The following ZNF480 variants were observed in gnomAD, a reference collection of about 807,000 sequenced individuals.
ZNF480 encodes the protein zinc finger protein 480.
ZNF480 carries 15 observed loss-of-function variants against 14.4 expected under a neutral mutation model. The observed-to-expected ratio is 1.04, with a 90% CI of 0.70 to 1.60. The LOEUF (loss-of-function observed/expected upper bound fraction) is 1.60. Among genes scored for constraint, ZNF480 ranks in the 40% most tolerant of loss-of-function variants. The pLI, the probability that ZNF480 is intolerant of heterozygous loss-of-function variation, is 0.00. For synonymous variants in ZNF480, 218 were observed against 215.5 expected (o/e 1.01, Z -0.10); for missense variants, 593 against 629.7 (o/e 0.94, Z 0.62).
rs1404181838 is a variant in ZNF480 at position 52,314,226 on chromosome 19, G to A, written c.146G>A (p.Arg49Lys). The change falls in exon 3 of 5, where the codon AGG (arginine) becomes AAG (lysine). Residue 49 changes from arginine to lysine, a missense_variant. Arg to Lys is a conservative substitution (Grantham distance 26). Coordinates refer to ENST00000595962, the MANE Select transcript of ZNF480 (RefSeq NM_144684.4). Reference protein sequence around the residue: ...AEWKCLDPAQRALYKDVMLEN... With the variant: ...AEWKCLDPAQKALYKDVMLEN... ...TGGAAATGCCTGGACCCTGCACAGA[G>A]GGCTTTATACAAGGATGTGATGTTG... 2.5e-6 allele frequency: 4 copies of A among 1,583,930 alleles called. No homozygotes were observed. The highest frequency in any genetic ancestry group is 1.7e-5 in the Admixed American group (1 of 58,938).
chr19:52,310,667 AT>A, intron 2 of ZNF480, among the ~76,000 whole-genome samples: 1 of 151,484 alleles, frequency 6.6e-6, no homozygotes, highest in South Asian at 2.1e-4. Context: ...TTCAAATTTT[AT>A]TTTTGTCCTT....
intron 2 of ZNF480, chr19:52,307,528 A>C (rs1283939439): frequency 6.6e-6 from 1 of 152,144 alleles, no homozygotes; most frequent in Non-Finnish European, 1.5e-5. Context: ...GGTCGTGGGG[A>C]CCCTAACCTA....
chr19:52,308,266 G>A (rs1983066815), intron 2 of ZNF480, among the ~76,000 whole-genome samples: 1 of 151,414 alleles, frequency 6.6e-6, no homozygotes, highest in South Asian at 2.1e-4. Flanking sequence ...TCTAGGAAAG[G>A]AGTGAAGGAA....
Position 52,318,628 on chromosome 19 carries a change from T to C in ZNF480, c.328+2666T>C, listed in dbSNP as rs955378687. 5.9e-5 allele frequency among the ~76,000 whole-genome samples: 9 copies of C among 152,158 alleles called. No individual in the cohort carries two copies. The East Asian group carries it at 1.7e-3, about 29-fold the overall frequency. ...CCAATCTCATGAAGCTTTTTACCTA[T>C]GGTTTTTTCTAGGAGTTTTATCGTT... On this transcript the variant is annotated intron_variant, in intron 4 of 4. Coordinates refer to ENST00000595962, the MANE Select transcript of ZNF480 (RefSeq NM_144684.4).
intron 2 of ZNF480, among the ~76,000 whole-genome samples, chr19:52,312,883 T>A (rs1434241595): frequency 6.6e-6 from 1 of 152,092 alleles, no homozygotes; most frequent in Non-Finnish European, 1.5e-5. Flanking sequence ...TGCAGTGGTG[T>A]GATGTTGGCT....
At position 52,323,727 on chromosome 19, in the gene ZNF480, C is replaced by A. The variant is rs541591818; in HGVS notation, c.*869C>A. 2.0e-5 allele frequency: 3 copies of A among 152,250 alleles called. No homozygotes were observed. The highest frequency in any genetic ancestry group is 2.1e-4 in the South Asian group (1 of 4,828). The allele number at this position is 152,250 out of a possible 1,614,324, so 9.4% of individuals were successfully genotyped here. ...ATGACCATGATCATCTCTTTAGATGCAGAAAGGTTTTTAATAAAATTCAAC... is the reference window on the plus strand; with the variant it reads ...ATGACCATGATCATCTCTTTAGATGAAGAAAGGTTTTTAATAAAATTCAAC... On this transcript the variant is annotated 3_prime_UTR_variant, in exon 5 of 5. Transcript: ENST00000595962.
intron 4 of ZNF480, among the ~76,000 whole-genome samples, chr19:52,316,949 A>T (rs1441397317): frequency 6.6e-6 from 1 of 152,198 alleles, no homozygotes; most frequent in Non-Finnish European, 1.5e-5. Flanking sequence ...CTATTCATCC[A>T]TTGGTGGACA....
At chr19:52,300,908 C>T (rs545666505) in intron 2 of ZNF480, 4 of 208,750 alleles carry the variant, frequency 1.9e-5, no homozygotes, top group Non-Finnish European at 3.9e-5. Context: ...CGTGTTAAGG[C>T]ACAGGCCACT....
intron 1 of ZNF480, among the ~76,000 whole-genome samples, chr19:52,298,214 C>G (rs574100722): frequency 3.6e-4 from 54 of 151,334 alleles, no homozygotes; most frequent in South Asian, 8.3e-4. Context: ...CTGGTGACAA[C>G]GAGAGCAGAG....
intron 2 of ZNF480, among the ~76,000 whole-genome samples, chr19:52,307,030 A>G (rs1177774110): frequency 6.6e-6 from 1 of 152,010 alleles, no homozygotes; most frequent in Admixed American, 6.5e-5. Flanking sequence ...TCTGTACTTC[A>G]TTACACTCCC....
Position 52,321,868 on chromosome 19 carries a change from T to C in ZNF480, c.618T>C (p.Asn206=), listed in dbSNP as rs1266485005. Residue 206 remains asparagine, a synonymous_variant, in exon 5 of 5, where the codon AAT becomes AAC. Coordinates refer to ENST00000595962, the MANE Select transcript of ZNF480 (RefSeq NM_144684.4). ...VHLREKPYEC[N]EHSKVFRVSS... ...TTAGAGAAAAACCTTATGAATGTAA[T>C]GAGCATAGCAAAGTCTTTAGAGTAT... is the stretch of plus-strand genomic sequence containing the variant. 8.7e-6 allele frequency: 14 copies of C among 1,614,042 alleles called. No individual in the cohort carries two copies. The highest frequency in any genetic ancestry group is 1.7e-5 in the Admixed American group (1 of 59,996).
intron 2 of ZNF480, among the ~76,000 whole-genome samples, chr19:52,305,240 G>T (rs1245632064): frequency 6.6e-6 from 1 of 152,172 alleles, no homozygotes; most frequent in African/African-American, 2.4e-5. Flanking sequence ...AATCGAGTGG[G>T]TTGAATTGGC....
Position 52,300,455 on chromosome 19 carries a change from G to A in ZNF480, c.43G>A (p.Ala15Thr), listed in dbSNP as rs765672039. 8.1e-6 allele frequency: 13 copies of A among 1,613,122 alleles called. No individual in the cohort carries two copies. Among genetic ancestry groups the A allele is most frequent in the Admixed American group, 3.3e-5 (2 of 59,970 alleles). The change falls in exon 2 of 5, where the codon GCA becomes ACA. Residue 15 changes from alanine to threonine, a missense_variant. Physicochemically the swap from Ala to Thr is moderately conservative, Grantham distance 58. Coordinates refer to ENST00000595962, the MANE Select transcript of ZNF480 (RefSeq NM_144684.4). The part of the protein sequence containing the change: ...EKAQKRRKRK[A>T]KESGMALPQG... ...AGCCCAGAAGAGAAGGAAGAGGAAA[G>A]CAAAGGAGTCAGGGATGGCTCTTCC...
At chr19:52,314,053 T>C in intron 2 of ZNF480, 100 bp from the exon 3 acceptor site, 1 of 1,305,184 alleles carries the variant, frequency 7.7e-7, no homozygotes, top group East Asian at 3.1e-5. Flanking sequence ...CGTCAGAACA[T>C]TCTCTTCAAT....
intron 4 of ZNF480, among the ~76,000 whole-genome samples, chr19:52,318,108 ATTAT>A (rs138357236): frequency 0.55 from 82,494 of 150,398 alleles, 22,791 homozygotes; most frequent in Non-Finnish European, 0.58. Context: ...ATTTTAAATA[ATTAT>A]TTATTTATTT....
intron 2 of ZNF480, among the ~76,000 whole-genome samples, chr19:52,304,191 G>A (rs780555667): frequency 7.9e-5 from 12 of 152,266 alleles, no homozygotes; most frequent in Admixed American, 2.6e-4. Context: ...GTTGTTTACC[G>A]CAGGAATTAT....
rs1048744033 is a variant in ZNF480, at chr19:52,315,767, T to C, written c.200-67T>C. ...GATTCATTTGTGATATCCTGTCTCCTTCCTACACATAGGGCTTGGATTTTG... is the reference window on the plus strand; with the variant it reads ...GATTCATTTGTGATATCCTGTCTCCCTCCTACACATAGGGCTTGGATTTTG... On this transcript the variant is annotated intron_variant, in intron 3 of 4. Transcript: ENST00000595962. 3.2e-6 allele frequency: 5 copies of C among 1,546,448 alleles called. No individual in the cohort carries two copies. The African/African-American group carries it at 6.9e-5, about 21-fold the overall frequency.
rs1983857435 is a variant in ZNF480 at position 52,322,140 on chromosome 19, G to A, written c.890G>A (p.Ser297Asn). The change falls in exon 5 of 5, where the codon AGT (serine) becomes AAT (asparagine). Residue 297 changes from serine to asparagine, a missense_variant. By Grantham distance (46) the Ser-to-Asn change is conservative (BLOSUM62 1). Transcript: ENST00000595962. ...YECNECGKVF[S>N]NNSYLARHQR... Reference sequence around the variant, plus strand: ...TGTAATGAATGTGGTAAAGTCTTCAGTAATAATTCTTACCTTGCACGACAT... The same window carrying A: ...TGTAATGAATGTGGTAAAGTCTTCAATAATAATTCTTACCTTGCACGACAT... 6 of 1,613,828 alleles carry A rather than the reference G, an allele frequency of 3.7e-6. No homozygotes were observed. Among genetic ancestry groups the A allele is most frequent in the Admixed American group, 3.3e-5 (2 of 59,978 alleles).
rs138885132 is a variant in ZNF480, at chr19:52,319,050, G to A, written c.329-2529G>A. 1.1e-3 allele frequency among the ~76,000 whole-genome samples: 168 copies of A among 152,136 alleles called. 2 individuals carry two copies. The highest frequency in any genetic ancestry group is 6.8e-3 in the Middle Eastern group (2 of 294). On this transcript the variant is annotated intron_variant, in intron 4 of 4. Coordinates refer to ENST00000595962, the MANE Select transcript of ZNF480 (RefSeq NM_144684.4). Reference sequence around the variant, plus strand: ...GGCTAATTTTTGTATTTTTAGTAGAGATGGGGTTTCACCACGTTAGTCAGT... The same window carrying A: ...GGCTAATTTTTGTATTTTTAGTAGAAATGGGGTTTCACCACGTTAGTCAGT...
Sources: gnomAD v4.1 joint callset for allele counts (sites outside exome capture counted in the v4.1 genomes callset) on GRCh38, gnomAD v4.1.1 for gene constraint, MANE v1.5 for transcripts, NCBI Gene and HGNC (gene_info 2026-07-23, HGNC 2026-07-21) for gene names.